DOK5: variants seen among roughly 807,000 people sequenced by gnomAD.
The protein encoded by DOK5 is downstream of tyrosine kinase 5.
Under a neutral mutation model 43.3 loss-of-function variants are expected in DOK5, and 27 were observed. That is an observed-to-expected ratio of 0.62 (90% CI 0.46 to 0.86). The LOEUF is 0.86. DOK5 is among the 40% of genes least tolerant of loss of function. The pLI, the probability that DOK5 is intolerant of heterozygous loss-of-function variation, is 0.00. For missense variants in DOK5, 373 were observed against 392.9 expected (o/e 0.95, Z 0.43); for synonymous variants, 146 against 140.1 (o/e 1.04, Z -0.30).
intron 1 of DOK5, among the ~76,000 whole-genome samples, chr20:54,548,405 T>TG (rs1411115710): frequency 8.6e-5 from 13 of 151,656 alleles, no homozygotes; most frequent in African/African-American, 3.2e-4. Flanking sequence ...CTAATTTTTG[T>TG]ATTTTTTTTT....
At chr20:54,619,967 C>A (rs1027734425) in intron 6 of DOK5, among the ~76,000 whole-genome samples, 2 of 152,144 alleles carry the variant, frequency 1.3e-5, no homozygotes, top group African/African-American at 4.8e-5. Flanking sequence ...GCATCTCCTA[C>A]TCTCCCTTGT....
chr20:54,506,549 C>T (rs1982811180), intron 1 of DOK5, among the ~76,000 whole-genome samples: 1 of 152,200 alleles, frequency 6.6e-6, no homozygotes, highest in Admixed American at 6.5e-5. Context: ...CAGCCTCCAC[C>T]TCCTGGGTTC....
chr20:54,553,291 G>C (rs900732122), intron 1 of DOK5, among the ~76,000 whole-genome samples: 3 of 152,092 alleles, frequency 2.0e-5, no homozygotes, highest in Non-Finnish European at 4.4e-5. Context: ...CGCCTCCCGG[G>C]TTCACGCCAT....
At chr20:54,519,993 T>C (rs1395786552) in intron 1 of DOK5, among the ~76,000 whole-genome samples, 1 of 152,192 alleles carries the variant, frequency 6.6e-6, no homozygotes, top group Non-Finnish European at 1.5e-5. Context: ...ACCTCTATGG[T>C]GCACATACCT....
intron 5 of DOK5, among the ~76,000 whole-genome samples, chr20:54,596,538 G>A (rs1235723771): frequency 6.6e-6 from 1 of 152,208 alleles, no homozygotes; most frequent in African/African-American, 2.4e-5. Context: ...GGAAGTTGGA[G>A]GAAATGAAGT....
chr20:54,542,791 T>C (rs1984211046), intron 1 of DOK5, among the ~76,000 whole-genome samples: 1 of 152,260 alleles, frequency 6.6e-6, no homozygotes, highest in Non-Finnish European at 1.5e-5. Context: ...TTGATTTTTA[T>C]TGATTTTTGC....
At chr20:54,545,781 A>G (rs147362586) in intron 1 of DOK5, among the ~76,000 whole-genome samples, 119 of 152,340 alleles carry the variant, frequency 7.8e-4, no homozygotes, top group African/African-American at 2.7e-3. Context: ...ACCCAGTTTC[A>G]GAAAAACTCC....
At chr20:54,506,781 C>T (rs1025427888) in intron 1 of DOK5, among the ~76,000 whole-genome samples, 3 of 152,162 alleles carry the variant, frequency 2.0e-5, no homozygotes, top group Non-Finnish European at 4.4e-5. Context: ...TTTTGAATAC[C>T]TGCTATGTGG....
At chr20:54,633,486 A>C (rs1978669641) in intron 6 of DOK5, among the ~76,000 whole-genome samples, 1 of 152,164 alleles carries the variant, frequency 6.6e-6, no homozygotes, top group African/African-American at 2.4e-5. Flanking sequence ...TTGTGCTTGA[A>C]ATATTGATAG....
intron 1 of DOK5, among the ~76,000 whole-genome samples, chr20:54,501,001 A>G (rs1600665071): frequency 6.6e-6 from 1 of 152,214 alleles, no homozygotes; most frequent in East Asian, 1.9e-4. Flanking sequence ...GTTGTTTTTA[A>G]CTAAAAGTGA....
At chr20:54,550,943 T>C (rs1179959687) in intron 1 of DOK5, among the ~76,000 whole-genome samples, 2 of 152,240 alleles carry the variant, frequency 1.3e-5, no homozygotes, top group Admixed American at 1.3e-4. Flanking sequence ...TCTGGTTGTA[T>C]GATGCTGGTT....
At chr20:54,514,516 G>C (rs79793318) in intron 1 of DOK5, among the ~76,000 whole-genome samples, 13 of 147,688 alleles carry the variant, frequency 8.8e-5, no homozygotes, top group African/African-American at 3.3e-4. Context: ...GGAACTTCAA[G>C]TTATTTTAAT....
At chr20:54,631,775 C>T (rs1252672560) in intron 6 of DOK5, among the ~76,000 whole-genome samples, 1 of 152,064 alleles carries the variant, frequency 6.6e-6, no homozygotes, top group Non-Finnish European at 1.5e-5. Context: ...AGATCGAGAC[C>T]ATCCTGGCCA....
At chr20:54,534,850 T>TCTTTCTTTC (rs1568771318) in intron 1 of DOK5, among the ~76,000 whole-genome samples, 4 of 151,236 alleles carry the variant, frequency 2.6e-5, no homozygotes, top group African/African-American at 7.4e-5. Context: ...TTTCTTTCTT[T>TCTTTCTTTC]TTTTGAGATG....
At chr20:54,623,859 G>A (rs1200953587) in intron 6 of DOK5, among the ~76,000 whole-genome samples, 17 of 152,166 alleles carry the variant, frequency 1.1e-4, no homozygotes, top group East Asian at 1.9e-4. Flanking sequence ...GATTACAGGC[G>A]TGAGCCACTG....
At chr20:54,582,805 C>A (rs1985683213) in intron 2 of DOK5, among the ~76,000 whole-genome samples, 1 of 151,888 alleles carries the variant, frequency 6.6e-6, no homozygotes, top group South Asian at 2.1e-4. Flanking sequence ...TTTCATTGAT[C>A]TTTCAAAAAC....
chr20:54,587,286 T>C (rs1985836108), intron 2 of DOK5, among the ~76,000 whole-genome samples: 1 of 152,190 alleles, frequency 6.6e-6, no homozygotes, highest in Non-Finnish European at 1.5e-5. Context: ...TTTGCATTTA[T>C]ACTATGAAAA....
At chr20:54,513,488 A>C (rs996896358) in intron 1 of DOK5, among the ~76,000 whole-genome samples, 1 of 150,394 alleles carries the variant, frequency 6.6e-6, no homozygotes, top group East Asian at 2.0e-4. Flanking sequence ...AAAAAAAAAA[A>C]CCCAACATCC....
intron 1 of DOK5, among the ~76,000 whole-genome samples, chr20:54,543,811 C>G (rs531637007): frequency 6.6e-6 from 1 of 152,260 alleles, no homozygotes; most frequent in South Asian, 2.1e-4. Context: ...TTTACAATAT[C>G]ATTTCTAATG....
Sources: gnomAD v4.1 joint callset for allele counts (sites outside exome capture counted in the v4.1 genomes callset) on GRCh38, gnomAD v4.1.1 for gene constraint, MANE v1.5 for transcripts, NCBI Gene and HGNC (gene_info 2026-07-23, HGNC 2026-07-21) for gene names.